CCSER1: variants seen among roughly 807,000 people sequenced by gnomAD.
CCSER1 encodes coiled-coil serine rich protein 1.
Under a neutral mutation model 82.0 loss-of-function variants are expected in CCSER1, and 41 were observed. The observed-to-expected ratio is 0.50, with a 90% confidence interval of 0.39 to 0.65. The LOEUF is 0.65. CCSER1 is among the 30% of genes least tolerant of loss of function. The probability of loss-of-function intolerance (pLI) is 0.00; values close to 1 mark genes in which losing one functional copy is unlikely to be tolerated. For missense variants in CCSER1, 1,119 were observed against 1,064.2 expected, an observed-to-expected ratio of 1.05 and a Z score of -0.72; for synonymous variants, 414 against 383.9, an observed-to-expected ratio of 1.08 and a Z score of -0.92.
chr4:91,483,454 G>A (rs1409565857), intron 10 of CCSER1, among the ~76,000 whole-genome samples: 1 of 150,644 alleles, frequency 6.6e-6, no homozygotes, highest in Non-Finnish European at 1.5e-5. Flanking sequence ...TTTTTTTTTG[G>A]AGATGGAGTC....
chr4:91,244,780 GAATT>G (rs1230974754), intron 10 of CCSER1, among the ~76,000 whole-genome samples: 1 of 152,022 alleles, frequency 6.6e-6, no homozygotes, highest in Non-Finnish European at 1.5e-5. Context: ...CTCACAAAAA[GAATT>G]AAATAAGGCA....
chr4:91,031,163 G>A (rs760712600), intron 9 of CCSER1, among the ~76,000 whole-genome samples: 7 of 152,188 alleles, frequency 4.6e-5, no homozygotes, highest in Non-Finnish European at 1.0e-4. Context: ...AAAATAAGTC[G>A]GACTATTACA....
In CCSER1 at chr4:90,520,636, T is replaced by C. The variant is rs547767513; in HGVS notation, c.1724+52282T>C. ...ATATTCATCAGCATTATTTTAACAT[T>C]AAAAGAAAACCTTACTACTTAATGG... is the stretch of plus-strand genomic sequence containing the variant. On this transcript the variant is annotated intron_variant, in intron 5 of 10. Transcript: ENST00000509176. Among the ~76,000 whole-genome samples the C allele has an allele frequency of 2.6e-5, 4 of 152,294 alleles. No homozygotes were observed. In the South Asian group the frequency reaches 8.3e-4, roughly 32 times the overall value.
chr4:91,336,605 C>T (rs1747343279), intron 10 of CCSER1, among the ~76,000 whole-genome samples: 2 of 151,946 alleles, frequency 1.3e-5, no homozygotes, highest in African/African-American at 4.8e-5. Flanking sequence ...ATAAAGGGCT[C>T]AATGCCTAAA....
At chr4:90,990,008 T>C (rs1313867542) in intron 9 of CCSER1, among the ~76,000 whole-genome samples, 1 of 151,848 alleles carries the variant, frequency 6.6e-6, no homozygotes, top group African/African-American at 2.4e-5. Context: ...GTCCATGAGA[T>C]TTTTACAACC....
At chr4:91,148,610 A>G (rs1729787975) in intron 10 of CCSER1, among the ~76,000 whole-genome samples, 1 of 152,094 alleles carries the variant, frequency 6.6e-6, no homozygotes, top group African/African-American at 2.4e-5. Flanking sequence ...CATTAGGTAT[A>G]TCTCCTGATG....
chr4:90,828,937 A>C (rs1760807668), intron 8 of CCSER1, among the ~76,000 whole-genome samples: 1 of 152,144 alleles, frequency 6.6e-6, no homozygotes, highest in Non-Finnish European at 1.5e-5. Context: ...AAAGACTGTG[A>C]GTTTAGGTAT....
intron 1 of CCSER1, among the ~76,000 whole-genome samples, chr4:90,178,625 A>G (rs1733154565): frequency 6.6e-6 from 1 of 152,126 alleles, no homozygotes; most frequent in African/African-American, 2.4e-5. Context: ...ATTCATTAGA[A>G]TTCGGTATAT....
At chr4:90,529,121 A>G (rs1487430106) in intron 5 of CCSER1, among the ~76,000 whole-genome samples, 4 of 152,068 alleles carry the variant, frequency 2.6e-5, no homozygotes, top group Admixed American at 2.6e-4. Context: ...AATACCTATA[A>G]TCCTCTTTCT....
intron 9 of CCSER1, among the ~76,000 whole-genome samples, chr4:91,068,303 A>C (rs1392778272): frequency 1.3e-5 from 2 of 152,222 alleles, no homozygotes; most frequent in African/African-American, 4.8e-5. Flanking sequence ...GTTTGAGAGG[A>C]TATTAAGTTA....
intron 5 of CCSER1, among the ~76,000 whole-genome samples, chr4:90,580,618 A>G (rs917838991): frequency 6.6e-6 from 1 of 152,212 alleles, no homozygotes; most frequent in African/African-American, 2.4e-5. Flanking sequence ...CTCATTTCCT[A>G]GGAGCTGGCC....
chr4:90,900,451 CT>C (rs1337033107), intron 8 of CCSER1, among the ~76,000 whole-genome samples: 2 of 152,064 alleles, frequency 1.3e-5, no homozygotes, highest in East Asian at 3.9e-4. Flanking sequence ...AAACTTTCCT[CT>C]TAACACTGCT....
intron 1 of CCSER1, among the ~76,000 whole-genome samples, chr4:90,142,369 G>A (rs1253054459): frequency 6.6e-6 from 1 of 152,170 alleles, no homozygotes; most frequent in Non-Finnish European, 1.5e-5. Context: ...TCTGAGTTGT[G>A]AGCAATACCT....
At chr4:90,828,653 GTTTTTCCTGTGTGTTCCC>G (rs1377033030) in intron 8 of CCSER1, among the ~76,000 whole-genome samples, 2 of 152,142 alleles carry the variant, frequency 1.3e-5, no homozygotes, top group East Asian at 3.9e-4. Context: ...GAGCTTAAGT[GTTTTTCCTGTGTGTTCCC>G]TTTTTACTGT....
chr4:90,851,892 C>T (rs1225016245), intron 8 of CCSER1, among the ~76,000 whole-genome samples: 1 of 152,030 alleles, frequency 6.6e-6, no homozygotes, highest in Non-Finnish European at 1.5e-5. Context: ...TTTTAATTTG[C>T]CTAACCACTA....
chr4:90,930,700 A>C (rs1729638844), intron 9 of CCSER1, among the ~76,000 whole-genome samples: 1 of 151,742 alleles, frequency 6.6e-6, no homozygotes, highest in Non-Finnish European at 1.5e-5. Flanking sequence ...TATAAGCTTG[A>C]AGTATCTCTC....
intron 10 of CCSER1, among the ~76,000 whole-genome samples, chr4:91,117,501 A>C (rs573991297): frequency 5.3e-5 from 8 of 152,374 alleles, no homozygotes; most frequent in Admixed American, 2.0e-4. Context: ...GTAAATGCTT[A>C]TTAAGTGGAT....
chr4:90,200,107 TGCTGTTAGCCTAATTAG>T (rs1000257803), intron 1 of CCSER1, among the ~76,000 whole-genome samples: 9 of 146,016 alleles, frequency 6.2e-5, no homozygotes, highest in East Asian at 2.6e-4. Context: ...TTTTTCTGAC[TGCTGTTAGCCTAATTAG>T]GCTGTTAGCC....
intron 4 of CCSER1, among the ~76,000 whole-genome samples, chr4:90,433,480 A>G (rs753163666): frequency 7.2e-5 from 11 of 152,116 alleles, no homozygotes; most frequent in Non-Finnish European, 1.2e-4. Context: ...CTAGGAATTC[A>G]TGATGTCAAA....
Sources: gnomAD v4.1 joint callset for allele counts (sites outside exome capture counted in the v4.1 genomes callset) on GRCh38, gnomAD v4.1.1 for gene constraint, MANE v1.5 for transcripts, NCBI Gene and HGNC (gene_info 2026-07-23, HGNC 2026-07-21) for gene names.